The following ABHD17B variants were observed in gnomAD, a reference collection of about 807,000 sequenced individuals.
ABHD17B encodes the protein abhydrolase domain containing 17B, depalmitoylase, also known as alpha/beta hydrolase domain-containing protein 17B.
In ABHD17B, 9 loss-of-function variants were observed where a neutral mutation model predicts 26.2. That is an observed-to-expected ratio of 0.34 (90% CI 0.21 to 0.60). ABHD17B has a LOEUF of 0.60. Ranked by LOEUF, ABHD17B falls within the 20% of genes least tolerant of loss-of-function variation. The pLI is 0.80. For synonymous variants in ABHD17B, 127 were observed against 122.3 expected (o/e 1.04, Z -0.25); for missense variants, 224 against 352.1 (o/e 0.64, Z 2.91).
In ABHD17B at chr9:71,871,364, T is replaced by C. The variant is rs543338755; in HGVS notation, c.468-1102A>G. ...TCTTCAAGTCAGTACTACACAAGCA[T>C]TTGTATAGGACACAGAAAGTGGGGC... On this transcript the variant is annotated intron_variant, in intron 2 of 3. Transcript: ENST00000333421. Among the ~76,000 whole-genome samples, 27 of 152,306 alleles carry C rather than the reference T, an allele frequency of 1.8e-4. 1 individual carries two copies. Among genetic ancestry groups the C allele is most frequent in the African/African-American group, 6.3e-4 (26 of 41,562 alleles).
intron 1 of ABHD17B, chr9:71,902,448 T>A (rs1396868375): frequency 6.7e-6 from 1 of 149,038 alleles, no homozygotes; most frequent in African/African-American, 2.5e-5. Context: ...TTAGTTTTTT[T>A]ATTTTTTTCA....
chr9:71,903,682 T>C (rs1827206875), intron 1 of ABHD17B, among the ~76,000 whole-genome samples: 1 of 152,260 alleles, frequency 6.6e-6, no homozygotes, highest in African/African-American at 2.4e-5. Context: ...TTAGGGTTTG[T>C]CTACAAATGA....
intron 1 of ABHD17B, among the ~76,000 whole-genome samples, chr9:71,876,313 C>T (rs1490684004): frequency 1.3e-5 from 2 of 152,126 alleles, no homozygotes; most frequent in Non-Finnish European, 2.9e-5. Flanking sequence ...TCATTTTCTT[C>T]ATAAGTAAAC....
chr9:71,905,928 T>G (rs1589234359), intron 1 of ABHD17B, among the ~76,000 whole-genome samples: 1 of 152,094 alleles, frequency 6.6e-6, no homozygotes, highest in Non-Finnish European at 1.5e-5. Flanking sequence ...ATGCCTGTAG[T>G]CCCAGCCACT....
Position 71,874,900 on chromosome 9 carries a change from T to C in ABHD17B, c.181A>G (p.Arg61Gly). The change falls in exon 2 of 4, where the codon AGA becomes GGA. Residue 61 changes from arginine (R) to glycine (G), a missense_variant. Physicochemically the swap from Arg to Gly is moderately radical, Grantham distance 125 (BLOSUM62 -2). Coordinates refer to ENST00000333421, the MANE Select transcript of ABHD17B (RefSeq NM_001025780.3). Reference protein sequence around the residue: ...SERADWQYSSREKDAIECFMT... With the variant: ...SERADWQYSSGEKDAIECFMT... ...AAACACTCAATAGCATCTTTTTCTC[T>C]AGAAGAATACTGCCAGTCTGCTCGT... is the stretch of plus-strand genomic sequence containing the variant. 1.2e-6 allele frequency: 2 copies of C among 1,614,192 alleles called. No individual in the cohort carries two copies. Among genetic ancestry groups the C allele is most frequent in the Non-Finnish European group, 1.7e-6 (2 of 1,180,028 alleles).
rs1564058394 is a variant in ABHD17B, at chr9:71,866,593, T to C, written c.*194A>G. 2 of 1,407,240 alleles carry C rather than the reference T, an allele frequency of 1.4e-6. No individual in the cohort carries two copies. Among genetic ancestry groups the C allele is most frequent in the African/African-American group, 1.4e-5 (1 of 69,450 alleles). The allele number at this position is 1,407,240 out of a possible 1,614,324, so 87.2% of individuals were successfully genotyped here. On this transcript the variant is annotated 3_prime_UTR_variant, in exon 4 of 4. Transcript: ENST00000333421. The stretch of plus-strand genomic sequence containing the variant: ...AAAAATATAAATTACACAGCCTGAC[T>C]GCACGGTACTGTTATTTCCAGTTTT...
intron 1 of ABHD17B, among the ~76,000 whole-genome samples, chr9:71,883,849 A>G (rs1406092676): frequency 6.6e-6 from 1 of 152,116 alleles, no homozygotes; most frequent in Non-Finnish European, 1.5e-5. Flanking sequence ...AGGCAGAAGA[A>G]TCACTTGAGC....
intron 1 of ABHD17B, among the ~76,000 whole-genome samples, chr9:71,878,077 A>T (rs1826330494): frequency 6.6e-6 from 1 of 152,172 alleles, no homozygotes. Flanking sequence ...AAACAAAACA[A>T]ATAAATCTAG....
intron 1 of ABHD17B, among the ~76,000 whole-genome samples, chr9:71,901,825 T>C (rs1217747325): frequency 2.0e-5 from 3 of 152,132 alleles, no homozygotes; most frequent in African/African-American, 7.2e-5. Context: ...CTCACTAATA[T>C]CTATTTCATA....
At chr9:71,898,170 C>T (rs1827013914) in intron 1 of ABHD17B, among the ~76,000 whole-genome samples, 1 of 152,074 alleles carries the variant, frequency 6.6e-6, no homozygotes, top group African/African-American at 2.4e-5. Flanking sequence ...TTTAAGCTTT[C>T]AGAAATCAGA....
intron 1 of ABHD17B, among the ~76,000 whole-genome samples, chr9:71,909,536 TA>T (rs1236341836): frequency 1.3e-5 from 2 of 152,240 alleles, no homozygotes; most frequent in African/African-American, 4.8e-5. Flanking sequence ...ATTTCCCTGT[TA>T]ATCTAAACAG....
downstream of ABHD17B, among the ~76,000 whole-genome samples, chr9:71,863,073 T>C (rs1825868866): frequency 6.6e-6 from 1 of 152,114 alleles, no homozygotes; most frequent in Non-Finnish European, 1.5e-5. Flanking sequence ...GTAAGAAACC[T>C]GGAAAAGTAT....
chr9:71,867,578 C>G (rs922462087), intron 3 of ABHD17B, among the ~76,000 whole-genome samples: 2 of 152,034 alleles, frequency 1.3e-5, no homozygotes, highest in African/African-American at 4.8e-5. Flanking sequence ...AAGTGATGAA[C>G]GAAACCAATT....
Position 71,901,048 on chromosome 9 carries a change from A to G in ABHD17B, c.-4+9586T>C, listed in dbSNP as rs569012202. Among the ~76,000 whole-genome samples, 10 of 152,228 alleles carry G rather than the reference A, an allele frequency of 6.6e-5. No individual in the cohort carries two copies. In the East Asian group the frequency reaches 1.9e-3, roughly 29 times the overall value. Reference sequence around the variant, plus strand: ...GCGCCTGTAGTCCCAGCTACTCAGGAGGCTGAGGCAAGAGAATGGCCTGAA... The same window carrying G: ...GCGCCTGTAGTCCCAGCTACTCAGGGGGCTGAGGCAAGAGAATGGCCTGAA... On this transcript the variant is annotated intron_variant, in intron 1 of 3. Transcript: ENST00000333421.
At chr9:71,910,591 C>G (rs1827435120) in intron 1 of ABHD17B, 43 bp downstream of exon 1, 1 of 152,086 alleles carries the variant, frequency 6.6e-6, no homozygotes, top group Admixed American at 6.5e-5. Context: ...GCCCCCTCCC[C>G]GAGCCGGGCT....
At chr9:71,878,418 T>C (rs1386008501) in intron 1 of ABHD17B, among the ~76,000 whole-genome samples, 2 of 152,092 alleles carry the variant, frequency 1.3e-5, no homozygotes, top group Non-Finnish European at 2.9e-5. Flanking sequence ...GATAAGACTA[T>C]TTAAGAATTT....
At chr9:71,901,253 CT>C (rs1049652968) in intron 1 of ABHD17B, among the ~76,000 whole-genome samples, 1 of 147,524 alleles carries the variant, frequency 6.8e-6, no homozygotes, top group African/African-American at 2.5e-5. Flanking sequence ...TTTTGTTTTT[CT>C]TTTTTCAGAA....
At chr9:71,897,293 G>T (rs1412366176) in intron 1 of ABHD17B, among the ~76,000 whole-genome samples, 2 of 144,950 alleles carry the variant, frequency 1.4e-5, no homozygotes, top group African/African-American at 5.1e-5. Flanking sequence ...CACTTTGGGA[G>T]GCCAAGGTGG....
chr9:71,893,152 A>G (rs1172370577), intron 1 of ABHD17B, among the ~76,000 whole-genome samples: 2 of 152,216 alleles, frequency 1.3e-5, no homozygotes, highest in African/African-American at 4.8e-5. Flanking sequence ...CACTCACACC[A>G]CAACAATCAC....
Sources: allele counts gnomAD v4.1 joint callset (sites outside exome capture counted in the v4.1 genomes callset), GRCh38; gene constraint gnomAD v4.1.1; transcripts MANE v1.5; gene names NCBI Gene and HGNC (gene_info 2026-07-23, HGNC 2026-07-21).